The following ATXN2 variants were observed in gnomAD, a reference collection of about 807,000 sequenced individuals.
ATXN2 encodes the protein ataxin-2.
ATXN2 carries 37 observed loss-of-function variants against 138.6 expected under a neutral mutation model. The ratio of observed to expected loss-of-function variants is 0.27; its 90% CI spans 0.21 to 0.35. ATXN2 has a LOEUF of 0.35. Ranked by LOEUF, ATXN2 falls within the 10% of genes least tolerant of loss-of-function variation. The pLI, the probability that ATXN2 is intolerant of heterozygous loss-of-function variation, is 1.00. For missense variants in ATXN2, 1,216 were observed against 1,480.3 expected, an observed-to-expected ratio of 0.82 and a Z score of 2.93; for synonymous variants, 549 against 543.7, an observed-to-expected ratio of 1.01 and a Z score of -0.13.
intron 5 of ATXN2, among the ~76,000 whole-genome samples, chr12:111,547,661 GTTGCAGTGAGCGAAGA>G (rs1490789310): frequency 6.6e-6 from 1 of 151,532 alleles, no homozygotes; most frequent in Non-Finnish European, 1.5e-5. Flanking sequence ...GAAGGCGGAG[GTTGCAGTGAGCGAAGA>G]TTGCACCATT....
rs374753131 is a variant in ATXN2 at position 111,470,663 on chromosome 12, C to T, written c.2604G>A (p.Pro868=). 8.1e-6 allele frequency: 13 copies of T among 1,613,986 alleles called. No individual in the cohort carries two copies. The highest frequency in any genetic ancestry group is 3.3e-4 in the Middle Eastern group (2 of 6,084). ...AGTAAGCTGGTGGGGTGGCTGCAATCGGTGGGCCCGCTGCTGACGCTGGGT... is the reference window on the plus strand; with the variant it reads ...AGTAAGCTGGTGGGGTGGCTGCAATTGGTGGGCCCGCTGCTGACGCTGGGT... ...MMHPASAAGP[P]IAATPPAYST... The change falls in exon 19 of 25, where the codon CCG becomes CCA. Residue 868 remains proline, a synonymous_variant. Coordinates refer to ENST00000673436, the MANE Select transcript of ATXN2 (RefSeq NM_001372574.1).
intron 18 of ATXN2, among the ~76,000 whole-genome samples, chr12:111,480,010 A>T (rs1379844658): frequency 1.3e-5 from 2 of 151,574 alleles, no homozygotes; most frequent in African/African-American, 2.4e-5. Flanking sequence ...AAAAAAGAAA[A>T]AAAAAAACCT....
intron 5 of ATXN2, among the ~76,000 whole-genome samples, chr12:111,541,800 A>T (rs7961200): frequency 0.11 from 15,406 of 141,576 alleles, 2,744 homozygotes; most frequent in African/African-American, 0.36. Flanking sequence ...TATTATAAAA[A>T]TTTTTTTTTT....
intron 14 of ATXN2, among the ~76,000 whole-genome samples, chr12:111,496,573 G>C (rs960429923): frequency 2.0e-5 from 3 of 151,808 alleles, no homozygotes; most frequent in Non-Finnish European, 2.9e-5. Context: ...AATAACACTA[G>C]ATAACAAGAG....
chr12:111,589,229 C>T (rs547341159), intron 1 of ATXN2, among the ~76,000 whole-genome samples: 1 of 151,748 alleles, frequency 6.6e-6, no homozygotes, highest in African/African-American at 2.4e-5. Context: ...GCAGGACAAT[C>T]ACTTGAACCT....
chr12:111,585,307 G>A (rs959603890), intron 1 of ATXN2, among the ~76,000 whole-genome samples: 1 of 152,068 alleles, frequency 6.6e-6, no homozygotes, highest in African/African-American at 2.4e-5. Context: ...GAGGTCAGGA[G>A]TTCAAGACCG....
intron 20 of ATXN2, among the ~76,000 whole-genome samples, chr12:111,466,647 T>G (rs1001188213): frequency 6.6e-6 from 1 of 152,356 alleles, no homozygotes; most frequent in Non-Finnish European, 1.5e-5. Context: ...ATATGTGTAT[T>G]AAACATACTA....
chr12:111,492,661 G>A (rs528036447), intron 14 of ATXN2, among the ~76,000 whole-genome samples: 12 of 150,990 alleles, frequency 7.9e-5, no homozygotes, highest in Admixed American at 1.3e-4. Context: ...CAGCCTGGGC[G>A]ACAGAGCGAG....
At position 111,504,944 on chromosome 12, in the gene ATXN2, C is replaced by T. The variant is rs1376076587; in HGVS notation, c.1935+4605G>A. On this transcript the variant is annotated intron_variant, in intron 14 of 24. Transcript: ENST00000673436. Reference sequence around the variant, plus strand: ...ATCTTGCACAAGAAAGAATTCAGGGCGAGTCCGCAGTGCAAGGTGAAAGCA... The same window carrying T: ...ATCTTGCACAAGAAAGAATTCAGGGTGAGTCCGCAGTGCAAGGTGAAAGCA... Among the ~76,000 whole-genome samples, 3 of 152,132 alleles carry T rather than the reference C, an allele frequency of 2.0e-5. No homozygotes were observed. In the East Asian group the frequency reaches 5.8e-4, roughly 29 times the overall value.
chr12:111,596,528 T>C (rs1489313771), intron 1 of ATXN2, among the ~76,000 whole-genome samples: 1 of 152,212 alleles, frequency 6.6e-6, no homozygotes, highest in Non-Finnish European at 1.5e-5. Flanking sequence ...TCACTGTTGA[T>C]ACGCACAAAC....
chr12:111,529,322 A>G (rs1019545059), intron 5 of ATXN2, among the ~76,000 whole-genome samples: 1 of 151,504 alleles, frequency 6.6e-6, no homozygotes, highest in African/African-American at 2.4e-5. Flanking sequence ...AAGCATTGTA[A>G]CAACAAGATG....
chr12:111,530,555 C>T (rs1417843761), intron 5 of ATXN2, among the ~76,000 whole-genome samples: 2 of 152,256 alleles, frequency 1.3e-5, no homozygotes, highest in Non-Finnish European at 2.9e-5. Flanking sequence ...TGGCTCACGC[C>T]TGTAATCTCA....
intron 1 of ATXN2, among the ~76,000 whole-genome samples, chr12:111,572,608 G>C: frequency 6.6e-6 from 1 of 152,136 alleles, no homozygotes; most frequent in Non-Finnish European, 1.5e-5. Context: ...ATGTATCGCA[G>C]TAATTAAGAA....
rs1876331338 is a variant in ATXN2 at position 111,470,471 on chromosome 12, C to CA, written c.2709+86dup. On this transcript the variant is annotated intron_variant, in intron 19 of 24. Coordinates refer to ENST00000673436, the MANE Select transcript of ATXN2 (RefSeq NM_001372574.1). ...TATCTACCCTACCATCACACAAAAGCAAAAATTATAAAGGAAAATCCCTTT... is the reference window on the plus strand; with the variant it reads ...TATCTACCCTACCATCACACAAAAGCAAAAAATTATAAAGGAAAATCCCTTT... 2.0e-6 allele frequency: 3 copies of CA among 1,489,744 alleles called. No individual in the cohort carries two copies. In the East Asian group the frequency reaches 6.8e-5, roughly 34 times the overall value. 92.3% of individuals were successfully genotyped at this position (1,489,744 alleles called of 1,614,324 possible). A position where few individuals can be genotyped will look rare whatever the true frequency, so the allele number is the denominator to read the frequency against.
Position 111,509,600 on chromosome 12 carries a change from A to T in ATXN2, c.1884T>A (p.Ser628=). The T allele has an allele frequency of 6.7e-7, 1 of 1,495,968 alleles. No homozygotes were observed. The highest frequency in any genetic ancestry group is 9.2e-7 in the Non-Finnish European group (1 of 1,086,798). The allele number at this position is 1,495,968 out of a possible 1,614,324, so 92.7% of individuals were successfully genotyped here. The change falls in exon 14 of 25, where the codon TCT becomes TCA. Residue 628 remains serine, a synonymous_variant. Coordinates refer to ENST00000673436, the MANE Select transcript of ATXN2 (RefSeq NM_001372574.1). The part of the protein sequence containing the change: ...AENKGISPVV[S]EHRKQIDDLK... ...AATCATCAATCTGTTTTCTATGTTC[A>T]GAAACAACTGGTGATATACCTGTAA... is the stretch of plus-strand genomic sequence containing the variant.
At chr12:111,525,642 A>C (rs936424611) in intron 5 of ATXN2, among the ~76,000 whole-genome samples, 1 of 152,100 alleles carries the variant, frequency 6.6e-6, no homozygotes, top group Non-Finnish European at 1.5e-5. Flanking sequence ...GATGACTATC[A>C]GTAAAGGTAT....
At position 111,599,202 on chromosome 12, in the gene ATXN2, C is replaced by T. The variant is rs938322131; in HGVS notation, c.-168G>A. On this transcript the variant is annotated 5_prime_UTR_variant, in exon 1 of 25. Coordinates refer to ENST00000673436, the MANE Select transcript of ATXN2 (RefSeq NM_001372574.1). ...CTGGCGAGGGGGAGAAGGAGGACGA[C>T]GAAGGGGCGGGGAGGCCCGCCGAGA... 8.3e-7 allele frequency: 1 copy of T among 1,200,948 alleles called. No homozygotes were observed. Among genetic ancestry groups the T allele is most frequent in the Admixed American group, 4.5e-5 (1 of 22,424 alleles). 74.4% of individuals were successfully genotyped at this position (1,200,948 alleles called of 1,614,324 possible).
rs1880609368 is a variant in ATXN2, at chr12:111,528,225, G to A, written c.572-2909C>T. Among the ~76,000 whole-genome samples, 4 of 152,190 alleles carry A rather than the reference G, an allele frequency of 2.6e-5. No individual in the cohort carries two copies. In the South Asian group the frequency reaches 8.3e-4, roughly 32 times the overall value. On this transcript the variant is annotated intron_variant, in intron 5 of 24. Coordinates refer to ENST00000673436, the MANE Select transcript of ATXN2 (RefSeq NM_001372574.1). ...GAAATTAAAGCTCGAAGCAGCTAGA[G>A]ATTTTTATAGAACCATATAAACGGA...
At chr12:111,599,522 C>G (rs1885161072), upstream of ATXN2, 16 of 1,209,508 alleles carry the variant, frequency 1.3e-5, no homozygotes, top group Non-Finnish European at 1.4e-5. Context: ...CATCGGAGGG[C>G]GGGCGCGCCG....
Sources: allele counts gnomAD v4.1 joint callset (sites outside exome capture counted in the v4.1 genomes callset), GRCh38; gene constraint gnomAD v4.1.1; transcripts MANE v1.5; gene names NCBI Gene and HGNC (gene_info 2026-07-23, HGNC 2026-07-21).